The following GPHN variants were observed in gnomAD, a reference collection of about 807,000 sequenced individuals.
The protein encoded by GPHN is gephyrin.
GPHN carries 17 observed loss-of-function variants against 95.5 expected under a neutral mutation model. The ratio of observed to expected loss-of-function variants is 0.18; its 90% CI spans 0.12 to 0.27. The LOEUF is 0.27. Among genes scored for constraint, GPHN ranks in the 10% least tolerant of loss-of-function variants. The pLI is 1.00. For synonymous variants in GPHN, 320 were observed against 322.5 expected, an observed-to-expected ratio of 0.99 and a Z score of 0.08; for missense variants, 660 against 978.1, an observed-to-expected ratio of 0.67 and a Z score of 4.34.
At chr14:66,804,130 C>T (rs901129753) in intron 3 of GPHN, among the ~76,000 whole-genome samples, 9 of 152,056 alleles carry the variant, frequency 5.9e-5, no homozygotes, top group African/African-American at 2.2e-4. Context: ...AATCATAGAA[C>T]ATTCCTCCTT....
chr14:67,286,560 A>G, the GPHN span, among the ~76,000 whole-genome samples: 12 of 152,240 alleles, frequency 7.9e-5, no homozygotes, highest in African/African-American at 2.9e-4. Context: ...GTGTGTGGAA[A>G]ATTAACTGTT....
At chr14:67,288,978 T>C in the GPHN span, among the ~76,000 whole-genome samples, 4 of 148,864 alleles carry the variant, frequency 2.7e-5, no homozygotes, top group African/African-American at 9.9e-5. Flanking sequence ...TTTTTTTTTT[T>C]TTTTTTGAGA....
intron 8 of GPHN, among the ~76,000 whole-genome samples, chr14:66,962,904 G>A (rs141359917): frequency 4.5e-4 from 69 of 151,882 alleles, no homozygotes; most frequent in African/African-American, 1.6e-3. Flanking sequence ...AAGAGGTGCT[G>A]TTTGATAATT....
chr14:67,528,305 G>A, the GPHN span, among the ~76,000 whole-genome samples: 2 of 152,178 alleles, frequency 1.3e-5, no homozygotes, highest in East Asian at 3.9e-4. Context: ...GTCTACAGCG[G>A]CCACACATGT....
At chr14:67,671,419 G>A in the GPHN span, among the ~76,000 whole-genome samples, 2 of 151,992 alleles carry the variant, frequency 1.3e-5, no homozygotes, top group African/African-American at 2.4e-5. Context: ...CCAGCTACTC[G>A]GAAGGCTGAG....
At position 66,674,168 on chromosome 14, in the gene GPHN, G is replaced by C. The variant is rs576300186; in HGVS notation, c.65-6939G>C. 1.2e-4 allele frequency among the ~76,000 whole-genome samples: 18 copies of C among 150,250 alleles called. No homozygotes were observed. In the East Asian group the frequency reaches 3.3e-3, roughly 28 times the overall value. ...GGCTGGAGTGCAGTGGTGCGATCTC[G>C]GCTCACTGCAACCTCTGCCTCCCGG... On this transcript the variant is annotated intron_variant, in intron 1 of 22. Coordinates refer to ENST00000478722, the MANE Select transcript of GPHN (RefSeq NM_020806.5).
chr14:67,183,105 T>C (rs1399254495), downstream of GPHN, among the ~76,000 whole-genome samples: 4 of 152,146 alleles, frequency 2.6e-5, no homozygotes, highest in Admixed American at 6.5e-5. Flanking sequence ...TAATTAATGA[T>C]AATTATTTTA....
the GPHN span, among the ~76,000 whole-genome samples, chr14:67,431,611 G>A: frequency 2.4e-4 from 36 of 152,040 alleles, no homozygotes; most frequent in Admixed American, 9.2e-4. Context: ...AGGATCGCTT[G>A]AGCCCAGGAG....
At chr14:66,821,995 A>C (rs745732533) in intron 3 of GPHN, among the ~76,000 whole-genome samples, 12 of 152,210 alleles carry the variant, frequency 7.9e-5, no homozygotes, top group Non-Finnish European at 1.6e-4. Context: ...TCTGTTACTC[A>C]GGCTAGAGTG....
the GPHN span, among the ~76,000 whole-genome samples, chr14:67,660,962 T>C: frequency 6.6e-6 from 1 of 152,196 alleles, no homozygotes; most frequent in Admixed American, 6.5e-5. Flanking sequence ...AGGAAGAAGA[T>C]AGTTCCCACA....
At chr14:66,878,925 A>G (rs1333718199) in intron 4 of GPHN, among the ~76,000 whole-genome samples, 1 of 152,134 alleles carries the variant, frequency 6.6e-6, no homozygotes, top group African/African-American at 2.4e-5. Context: ...TATTGCAGCA[A>G]TATTCACAAT....
the GPHN span, among the ~76,000 whole-genome samples, chr14:67,360,936 C>CG: frequency 2.0e-5 from 3 of 152,140 alleles, no homozygotes; most frequent in African/African-American, 7.2e-5. Context: ...ACCTGTGGGA[C>CG]GGGCACCGTG....
the GPHN span, chr14:67,727,295 T>C: frequency 6.0e-6 from 5 of 828,512 alleles, no homozygotes; most frequent in South Asian, 4.3e-5. Context: ...GTCAGTAATA[T>C]CTCTGTGGAC....
chr14:67,419,811 G>T, the GPHN span, among the ~76,000 whole-genome samples: 15 of 151,524 alleles, frequency 9.9e-5, no homozygotes, highest in African/African-American at 2.9e-4. Flanking sequence ...ATCGCGCCAC[G>T]GCACTCCAGC....
intron 1 of GPHN, among the ~76,000 whole-genome samples, chr14:66,606,492 G>C (rs922830788): frequency 6.6e-6 from 1 of 152,014 alleles, no homozygotes; most frequent in African/African-American, 2.4e-5. Flanking sequence ...ATTAGAATAG[G>C]CTTTTCTAAT....
intron 9 of GPHN, among the ~76,000 whole-genome samples, chr14:67,005,482 A>C (rs1446210759): frequency 1.3e-5 from 2 of 151,960 alleles, no homozygotes; most frequent in African/African-American, 2.4e-5. Context: ...GAAATGGAGA[A>C]TATATGGTGA....
the GPHN span, among the ~76,000 whole-genome samples, chr14:67,365,500 T>C: frequency 6.6e-6 from 1 of 152,358 alleles, no homozygotes; most frequent in Non-Finnish European, 1.5e-5. Flanking sequence ...CAACATTGTA[T>C]ATCTTGCTGG....
intron 2 of GPHN, among the ~76,000 whole-genome samples, chr14:66,687,591 GCGGTTCTC>G: frequency 6.8e-6 from 1 of 147,798 alleles, no homozygotes; most frequent in Non-Finnish European, 1.5e-5. Context: ...CTGGGTTCAA[GCGGTTCTC>G]CTGCCTCAGC....
intron 1 of GPHN, among the ~76,000 whole-genome samples, chr14:66,571,143 G>C (rs1488395631): frequency 6.6e-6 from 1 of 152,160 alleles, no homozygotes; most frequent in African/African-American, 2.4e-5. Flanking sequence ...GAGGCCTCAG[G>C]AAACTTAACA....
Sources: allele counts gnomAD v4.1 joint callset (sites outside exome capture counted in the v4.1 genomes callset), GRCh38; gene constraint gnomAD v4.1.1; transcripts MANE v1.5; gene names NCBI Gene and HGNC (gene_info 2026-07-23, HGNC 2026-07-21).